Variants in NUP160 observed in about 807,000 individuals in gnomAD.
NUP160 encodes the protein nucleoporin 160, also known as nuclear pore complex protein Nup160.
Under a neutral mutation model 196.9 loss-of-function variants are expected in NUP160, and 94 were observed. That is an observed-to-expected ratio of 0.48 (90% CI 0.40 to 0.57). NUP160 has a LOEUF of 0.57. Among genes scored for constraint, NUP160 ranks in the 20% least tolerant of loss-of-function variants. NUP160 has a pLI of 0.00. For synonymous variants in NUP160, 605 were observed against 619.7 expected, an observed-to-expected ratio of 0.98 and a Z score of 0.35; for missense variants, 1,638 against 1,748.3, an observed-to-expected ratio of 0.94 and a Z score of 1.13.
chr11:47,820,522 C>T (rs1187271732), intron 9 of NUP160, among the ~76,000 whole-genome samples: 2 of 151,826 alleles, frequency 1.3e-5, no homozygotes, highest in South Asian at 4.2e-4. Flanking sequence ...ATCGTGCCAC[C>T]ACACCTGGCT....
At chr11:47,820,857 T>C (rs1355658017) in intron 9 of NUP160, among the ~76,000 whole-genome samples, 1 of 152,088 alleles carries the variant, frequency 6.6e-6, no homozygotes, top group Non-Finnish European at 1.5e-5. Flanking sequence ...GCCACTAGTT[T>C]ATTTTTTATA....
At chr11:47,831,842 C>CAAAAAAAAAAA (rs372159602) in intron 7 of NUP160, among the ~76,000 whole-genome samples, 37 of 66,668 alleles carry the variant, frequency 5.5e-4, no homozygotes, top group African/African-American at 2.3e-3. Context: ...GACTCTCTCT[C>CAAAAAAAAAAA]AAAAAAAAAA....
chr11:47,835,913 A>G lies in NUP160; in HGVS notation c.943-104T>C, dbSNP rs1852164398. ...TTTCATTGTATCTACTGCTCTATCT[A>G]GTTTATCTGCTAAAAGACCTTACAG... On this transcript the variant is annotated intron_variant, in intron 6 of 35. Transcript: ENST00000378460. The G allele has an allele frequency of 3.3e-6, 3 of 921,930 alleles. No homozygotes were observed. In the South Asian group the frequency reaches 6.6e-5, roughly 20 times the overall value. 57.1% of individuals were successfully genotyped at this position (921,930 alleles called of 1,614,324 possible). A position where few individuals can be genotyped will look rare whatever the true frequency, so the allele number is the denominator to read the frequency against.
At chr11:47,811,317 T>C (rs2097680962) in intron 17 of NUP160, among the ~76,000 whole-genome samples, 1 of 151,998 alleles carries the variant, frequency 6.6e-6, no homozygotes, top group Admixed American at 6.6e-5. Flanking sequence ...AAGATCAGCC[T>C]GGTCAACATG....
intron 7 of NUP160, among the ~76,000 whole-genome samples, chr11:47,823,549 T>C (rs1446830441): frequency 6.6e-6 from 1 of 152,140 alleles, no homozygotes; most frequent in East Asian, 1.9e-4. Flanking sequence ...TTTTCTTTTT[T>C]TTTGATAAGG....
rs141925029 is a variant in NUP160 at position 47,819,205 on chromosome 11, C to T, written c.1362+169G>A. On this transcript the variant is annotated intron_variant, in intron 10 of 35. Coordinates refer to ENST00000378460, the Ensembl canonical transcript of NUP160. ...GTACGTGACTGTAGTCCCAGCTACT[C>T]GGGAGGCTGAGGCAAGAGAATTGCT... Among the ~76,000 whole-genome samples the T allele has an allele frequency of 4.7e-3, 705 of 151,434 alleles. 9 individuals are homozygous for T. The highest frequency in any genetic ancestry group is 0.016 in the African/African-American group (658 of 41,252).
intron 28 of NUP160, 64 bp downstream of exon 28, chr11:47,792,721 CA>C (rs1329363758): frequency 4.6e-5 from 65 of 1,406,992 alleles, no homozygotes; most frequent in Non-Finnish European, 6.7e-6. Flanking sequence ...TTGAAAGGAC[CA>C]AAACAAGTAG....
At chr11:47,823,057 T>C (rs1851896931) in intron 7 of NUP160, among the ~76,000 whole-genome samples, 1 of 152,248 alleles carries the variant, frequency 6.6e-6, no homozygotes, top group African/African-American at 2.4e-5. Context: ...TATAGCAGCA[T>C]GATTTATAAT....
At position 47,784,918 on chromosome 11, in the gene NUP160, T is replaced by A. The variant is rs1044873153; in HGVS notation, c.3990+4A>T. 7 of 1,581,170 alleles carry A rather than the reference T, an allele frequency of 4.4e-6. No individual in the cohort carries two copies. Among genetic ancestry groups the A allele is most frequent in the Non-Finnish European group, 6.0e-6 (7 of 1,164,014 alleles). On this transcript the variant is annotated splice_donor_region_variant and intron_variant, in intron 33 of 35. Transcript: ENST00000378460. ...TTACTCTGTACAAGTTATAATCCGTTTACCTTGTAACTGTTTATAAGCCAA... is the reference window on the plus strand; with the variant it reads ...TTACTCTGTACAAGTTATAATCCGTATACCTTGTAACTGTTTATAAGCCAA...
intron 23 of NUP160, among the ~76,000 whole-genome samples, chr11:47,798,756 G>A (rs1208234262): frequency 6.6e-6 from 1 of 152,014 alleles, no homozygotes; most frequent in Non-Finnish European, 1.5e-5. Context: ...CTTGAACCCA[G>A]GAGTTCAAGG....
chr11:47,836,557 G>A (rs960007707), intron 6 of NUP160, among the ~76,000 whole-genome samples: 4 of 151,984 alleles, frequency 2.6e-5, no homozygotes, highest in Non-Finnish European at 5.9e-5. Flanking sequence ...AGGCTGCAGT[G>A]AGCTATATTC....
intron 22 of NUP160, among the ~76,000 whole-genome samples, chr11:47,802,705 T>G (rs1402446956): frequency 6.6e-6 from 1 of 152,208 alleles, no homozygotes; most frequent in East Asian, 1.9e-4. Flanking sequence ...CTGTGTGCAG[T>G]GGCTCATGCC....
chr11:47,845,819 C>T (rs370946652), intron 2 of NUP160, among the ~76,000 whole-genome samples: 9 of 151,810 alleles, frequency 5.9e-5, no homozygotes, highest in South Asian at 2.1e-4. Context: ...GAAAGGCACA[C>T]GCTACTCCGC....
Position 47,779,524 on chromosome 11 carries a change from G to A in NUP160, c.4222-330C>T. ...GATATAACTAGTTATTAGCTGCCAA[G>A]TGAAATATAGAACTAATATTTTAGA... is the stretch of plus-strand genomic sequence containing the variant. On this transcript the variant is annotated intron_variant, in intron 35 of 35. Coordinates refer to ENST00000378460, the Ensembl canonical transcript of NUP160. The A allele has an allele frequency of 7.8e-6, 4 of 511,874 alleles. No individual in the cohort carries two copies. In the East Asian group the frequency reaches 2.1e-4, roughly 27 times the overall value. 31.7% of individuals were successfully genotyped at this position (511,874 alleles called of 1,614,324 possible). A position where few individuals can be genotyped will look rare whatever the true frequency, so the allele number is the denominator to read the frequency against.
exon 1 of NUP160, chr11:47,848,311 G>T: frequency 1.2e-6 from 2 of 1,613,966 alleles, no homozygotes; most frequent in Non-Finnish European, 1.7e-6. Flanking sequence ...GGCTCCCGCC[G>T]CCGCCATCTT....
At chr11:47,828,056 A>T (rs1852005739) in intron 7 of NUP160, among the ~76,000 whole-genome samples, 1 of 152,156 alleles carries the variant, frequency 6.6e-6, no homozygotes, top group South Asian at 2.1e-4. Flanking sequence ...TTTTGTAGAG[A>T]CAGGGTTTCG....
intron 10 of NUP160, among the ~76,000 whole-genome samples, chr11:47,818,590 G>C (rs1211074418): frequency 6.6e-6 from 1 of 151,804 alleles, no homozygotes; most frequent in African/African-American, 2.4e-5. Context: ...CTCACAAGTA[G>C]GGAAATGAAG....
intron 4 of NUP160, 41 bp downstream of exon 4, chr11:47,839,802 C>T: frequency 6.7e-7 from 1 of 1,495,040 alleles, no homozygotes; most frequent in Non-Finnish European, 9.3e-7. Flanking sequence ...TGTTAACATT[C>T]CTTGTTTAAA....
chr11:47,831,613 GC>G (rs1852073408), intron 7 of NUP160, among the ~76,000 whole-genome samples: 1 of 151,758 alleles, frequency 6.6e-6, no homozygotes, highest in African/African-American at 2.4e-5. Context: ...GGAGGCCGAG[GC>G]AGGCGGATTA....
Sources: allele counts gnomAD v4.1 joint callset (sites outside exome capture counted in the v4.1 genomes callset), GRCh38; gene constraint gnomAD v4.1.1; transcripts MANE v1.5; gene names NCBI Gene and HGNC (gene_info 2026-07-23, HGNC 2026-07-21).